ARL9: variants seen among roughly 807,000 people sequenced by gnomAD.
ARL9 encodes ARF like GTPase 9.
In ARL9, 14 loss-of-function variants were observed where a neutral mutation model predicts 27.0. The ratio of observed to expected loss-of-function variants is 0.52; its 90% CI spans 0.34 to 0.81. ARL9 has a LOEUF of 0.81. Among genes scored for constraint, ARL9 ranks in the 30% least tolerant of loss-of-function variants. ARL9 has a pLI of 0.01. For missense variants in ARL9, 294 were observed against 290.0 expected (o/e 1.01, Z -0.10); for synonymous variants, 106 against 108.7 (o/e 0.98, Z 0.15).
chr4:56,514,300 G>T (rs1188201961), intron 2 of ARL9, among the ~76,000 whole-genome samples: 1 of 152,110 alleles, frequency 6.6e-6, no homozygotes, highest in African/African-American at 2.4e-5. Context: ...TTAGGTAAAA[G>T]AACAACAGAA....
At chr4:56,518,646 T>C (rs779775831) in intron 2 of ARL9, 32 bp from the exon 3 acceptor site, 3 of 1,586,964 alleles carry the variant, frequency 1.9e-6, no homozygotes, top group Non-Finnish European at 2.6e-6. Flanking sequence ...ATTTTGTGTG[T>C]GTGTGTCTTC....
At chr4:56,519,716 T>G (rs1721866213) in intron 3 of ARL9, among the ~76,000 whole-genome samples, 1 of 152,232 alleles carries the variant, frequency 6.6e-6, no homozygotes, top group Non-Finnish European at 1.5e-5. Flanking sequence ...TGTTTTATGT[T>G]TCTTTATGTT....
At chr4:56,523,594 G>GGTGT (rs1479298014) in intron 3 of ARL9, 103 bp from the exon 4 acceptor site, 1 of 880,886 alleles carries the variant, frequency 1.1e-6, no homozygotes. Flanking sequence ...ATATGAAAAT[G>GGTGT]GTGTGGTCAC....
intron 1 of ARL9, among the ~76,000 whole-genome samples, chr4:56,506,474 G>T (rs1353619146): frequency 6.6e-6 from 1 of 151,990 alleles, no homozygotes; most frequent in Non-Finnish European, 1.5e-5. Flanking sequence ...CGCAACACTA[G>T]CGCACAGACC....
chr4:56,518,879 G>A, intron 3 of ARL9, 26 bp downstream of exon 3: 2 of 1,594,944 alleles, frequency 1.3e-6, no homozygotes, highest in Non-Finnish European at 1.7e-6. Flanking sequence ...AATATAAATT[G>A]TACTCAAGAG....
At chr4:56,509,344 C>T (rs1056644626) in intron 1 of ARL9, among the ~76,000 whole-genome samples, 7 of 150,982 alleles carry the variant, frequency 4.6e-5, no homozygotes, top group African/African-American at 1.2e-4. Context: ...GGATTACAGG[C>T]ATATGCCACC....
Position 56,506,000 on chromosome 4 carries a change from G to A in ARL9, c.138G>A (p.Glu46=), listed in dbSNP as rs1578205157. The A allele has an allele frequency of 1.3e-5, 16 of 1,206,968 alleles. No individual in the cohort carries two copies. In the East Asian group the frequency reaches 5.1e-4, roughly 38 times the overall value. 74.8% of individuals were successfully genotyped at this position (1,206,968 alleles called of 1,614,324 possible). Residue 46 remains glutamate (E), a synonymous_variant, in exon 1 of 4, where the codon GAG becomes GAA. Transcript: ENST00000640821. ...TTAAACAAAAGCAAGAGAAGCAGGAGAGGAGAAAGGGAAAAGAGAAAGAGG... is the reference window on the plus strand; with the variant it reads ...TTAAACAAAAGCAAGAGAAGCAGGAAAGGAGAAAGGGAAAAGAGAAAGAGG... The part of the protein sequence containing the change: ...QKIKQKQEKQ[E]RRKGKEKEEK...
At chr4:56,520,612 T>C (rs538925406) in intron 3 of ARL9, among the ~76,000 whole-genome samples, 48 of 152,312 alleles carry the variant, frequency 3.2e-4, no homozygotes, top group African/African-American at 1.1e-3. Context: ...TAAATATACT[T>C]AATGCCACTG....
chr4:56,513,316 C>T (rs1349468551), intron 2 of ARL9, among the ~76,000 whole-genome samples: 3 of 152,120 alleles, frequency 2.0e-5, no homozygotes, highest in African/African-American at 7.2e-5. Flanking sequence ...GGTGAAGTTT[C>T]ATTGTATAAG....
intron 3 of ARL9, 74 bp downstream of exon 3, chr4:56,518,927 A>T: frequency 3.0e-6 from 4 of 1,317,318 alleles, no homozygotes; most frequent in Non-Finnish European, 4.2e-6. Flanking sequence ...TAATACCTAG[A>T]TAGTCAACAA....
intron 1 of ARL9, 69 bp downstream of exon 1, chr4:56,506,210 C>G (rs1201037269): frequency 8.1e-7 from 1 of 1,228,854 alleles, no homozygotes; most frequent in African/African-American, 1.6e-5. Flanking sequence ...CCAGCGCTGT[C>G]TCTGTTACGT....
intron 2 of ARL9, among the ~76,000 whole-genome samples, chr4:56,514,330 G>C (rs984487059): frequency 6.6e-5 from 10 of 152,196 alleles, no homozygotes; most frequent in Non-Finnish European, 2.9e-5. Context: ...AGAGGGTAGA[G>C]GGGGAGATAA....
intron 1 of ARL9, among the ~76,000 whole-genome samples, chr4:56,507,163 CA>C (rs751220050): frequency 6.6e-6 from 1 of 152,124 alleles, no homozygotes; most frequent in East Asian, 1.9e-4. Flanking sequence ...TAACTTTTGA[CA>C]AAAACGGTGT....
intron 1 of ARL9, 122 bp downstream of exon 1, chr4:56,506,263 G>T: frequency 3.9e-6 from 4 of 1,013,076 alleles, no homozygotes; most frequent in Non-Finnish European, 5.1e-6. Context: ...TCTCAACTGA[G>T]GGCTATTTAC....
At chr4:56,510,354 C>CAAAAAAAAAAAAAAA (rs769085578) in intron 1 of ARL9, among the ~76,000 whole-genome samples, 1 of 75,150 alleles carries the variant, frequency 1.3e-5, no homozygotes, top group Non-Finnish European at 2.8e-5. Flanking sequence ...GACTCCAACT[C>CAAAAAAAAAAAAAAA]AAAAAAAAAA....
At chr4:56,516,045 CTTA>C (rs1301373177) in intron 2 of ARL9, among the ~76,000 whole-genome samples, 3 of 152,060 alleles carry the variant, frequency 2.0e-5, no homozygotes, top group Non-Finnish European at 4.4e-5. Context: ...AGTATCAAAT[CTTA>C]TTATAAAGAT....
At chr4:56,512,885 T>C (rs1721675721) in intron 2 of ARL9, among the ~76,000 whole-genome samples, 3 of 152,108 alleles carry the variant, frequency 2.0e-5, no homozygotes, top group Admixed American at 2.0e-4. Flanking sequence ...GCTGTTTGCT[T>C]TCTCCATAAG....
Position 56,505,885 on chromosome 4 carries a change from AGAAAG to A in ARL9, c.24_28del (p.Lys9GlufsTer15). The A allele has an allele frequency of 7.9e-7, 1 of 1,261,708 alleles. No homozygotes were observed. The highest frequency in any genetic ancestry group is 1.0e-6 in the Non-Finnish European group (1 of 1,004,846). The allele number at this position is 1,261,708 out of a possible 1,614,324, so 78.2% of individuals were successfully genotyped here. ...GGGATGGAGAGGGGGAAAGTGAAGA[AGAAAG>A]AGAAGGAAAAGGAGACGCAGGAGGA... is the stretch of plus-strand genomic sequence containing the variant. On this transcript the variant is annotated frameshift_variant, in exon 1 of 4. Transcript: ENST00000640821. LOFTEE classifies it high-confidence loss of function.
At chr4:56,521,272 C>CTTAA (rs555980723) in intron 3 of ARL9, among the ~76,000 whole-genome samples, 2 of 151,314 alleles carry the variant, frequency 1.3e-5, no homozygotes, top group Non-Finnish European at 2.9e-5. Flanking sequence ...AGTGGAGCAT[C>CTTAA]TTAAGTACCA....
Sources: gnomAD v4.1 joint callset for allele counts (sites outside exome capture counted in the v4.1 genomes callset) on GRCh38, gnomAD v4.1.1 for gene constraint, MANE v1.5 for transcripts, NCBI Gene and HGNC (gene_info 2026-07-23, HGNC 2026-07-21) for gene names.